PTPRN2: variants seen among roughly 807,000 people sequenced by gnomAD.
PTPRN2 encodes the protein protein tyrosine phosphatase receptor type N2, also known as receptor-type tyrosine-protein phosphatase N2.
A neutral mutation model predicts 118.8 loss-of-function variants in PTPRN2; 74 were observed. The ratio of observed to expected loss-of-function variants is 0.62; its 90% CI spans 0.52 to 0.76. The LOEUF is 0.76. PTPRN2 is among the 30% of genes least tolerant of loss of function. The pLI is 0.00. For missense variants in PTPRN2, 1,481 were observed against 1,394.4 expected (o/e 1.06, Z -0.99); for synonymous variants, 641 against 608.0 (o/e 1.05, Z -0.80).
intron 11 of PTPRN2, among the ~76,000 whole-genome samples, chr7:158,076,903 T>C (rs1264943686): frequency 6.6e-6 from 1 of 152,204 alleles, no homozygotes; most frequent in East Asian, 1.9e-4. Flanking sequence ...GAAGGTGTGA[T>C]GCATTGCCGA....
intron 11 of PTPRN2, among the ~76,000 whole-genome samples, chr7:157,994,446 T>A (rs13234965): frequency 1.3e-5 from 2 of 148,632 alleles, no homozygotes; most frequent in Non-Finnish European, 3.0e-5. Context: ...GTCATTGGGA[T>A]GAATCTGAGG....
intron 12 of PTPRN2, among the ~76,000 whole-genome samples, chr7:157,743,929 C>T (rs1427350276): frequency 6.6e-6 from 1 of 152,196 alleles, no homozygotes; most frequent in Admixed American, 6.5e-5. Context: ...AGTCGCAGCT[C>T]CCTGTGTCCT....
At chr7:158,067,065 A>C (rs998795789) in intron 11 of PTPRN2, among the ~76,000 whole-genome samples, 2 of 152,138 alleles carry the variant, frequency 1.3e-5, no homozygotes, top group Non-Finnish European at 2.9e-5. Context: ...CTCTTCTTAC[A>C]CCTGGCACCT....
intron 11 of PTPRN2, among the ~76,000 whole-genome samples, chr7:157,957,445 CA>C (rs1801255963): frequency 6.6e-6 from 1 of 151,978 alleles, no homozygotes; most frequent in African/African-American, 2.4e-5. Context: ...GCATTATGGC[CA>C]AATAATCCCT....
chr7:158,050,496 C>T (rs1490196575), intron 11 of PTPRN2, among the ~76,000 whole-genome samples: 1 of 152,230 alleles, frequency 6.6e-6, no homozygotes, highest in Non-Finnish European at 1.5e-5. Flanking sequence ...TCTTAGAAGT[C>T]TTTCGGGCAT....
chr7:158,053,976 TAGAGACGCAGAGACCCC>T (rs1239776003), intron 11 of PTPRN2, among the ~76,000 whole-genome samples: 2 of 71,726 alleles, frequency 2.8e-5, no homozygotes, highest in Non-Finnish European at 6.3e-5. Flanking sequence ...GCAGAGACCC[TAGAGACGCAGAGACCCC>T]AGAGATGCAG....
rs896422718 is a variant in PTPRN2 at position 158,133,967 on chromosome 7, G to C, written c.1266C>G (p.Asp422Glu). The C allele has an allele frequency of 3.7e-6, 6 of 1,614,026 alleles. No homozygotes were observed. Among genetic ancestry groups the C allele is most frequent in the Non-Finnish European group, 5.1e-6 (6 of 1,180,040 alleles). The stretch of plus-strand genomic sequence containing the variant: ...GGTGCTCGGACTTCTTCCTCTCCAT[G>C]TCGAGGGGCCTTGCAAAGGGGAGGG... ...PGALPFARPL[D>E]MERKKSEHPE... is the part of the protein sequence containing the mutation. The change falls in exon 9 of 23, where the codon GAC becomes GAG. Residue 422 changes from aspartate (D) to glutamate (E), a missense_variant. Transcript: ENST00000389418.
chr7:158,396,523 T>G (rs1812521296), intron 2 of PTPRN2, among the ~76,000 whole-genome samples: 1 of 152,068 alleles, frequency 6.6e-6, no homozygotes, highest in South Asian at 2.1e-4. Context: ...GCTCCCCTCC[T>G]CGCCGAGTGA....
intron 11 of PTPRN2, among the ~76,000 whole-genome samples, chr7:158,043,566 A>C (rs1808627136): frequency 6.6e-6 from 1 of 152,232 alleles, no homozygotes; most frequent in Non-Finnish European, 1.5e-5. Context: ...CCTGCAGGAG[A>C]GAATGGCATT....
chr7:157,975,983 G>A (rs1439834021), intron 11 of PTPRN2, among the ~76,000 whole-genome samples: 1 of 152,204 alleles, frequency 6.6e-6, no homozygotes, highest in East Asian at 1.9e-4. Context: ...GATGTGGAGA[G>A]AGGGAACTTC....
chr7:157,815,773 C>T (rs762381235), intron 12 of PTPRN2, among the ~76,000 whole-genome samples: 8 of 152,192 alleles, frequency 5.3e-5, no homozygotes, highest in Non-Finnish European at 7.3e-5. Flanking sequence ...AGCTGGGGCG[C>T]GCGCACATGT....
At chr7:158,274,541 C>G (rs1798832976) in intron 3 of PTPRN2, among the ~76,000 whole-genome samples, 1 of 152,100 alleles carries the variant, frequency 6.6e-6, no homozygotes, top group South Asian at 2.1e-4. Context: ...ACAGGGGGAG[C>G]CACAGACACC....
intron 12 of PTPRN2, among the ~76,000 whole-genome samples, chr7:157,749,854 AGGTG>A (rs1801346318): frequency 5.4e-5 from 5 of 93,018 alleles, no homozygotes; most frequent in Non-Finnish European, 8.7e-5. Flanking sequence ...TGGGCTGTTG[AGGTG>A]ATTCTGAGGC....
At chr7:158,267,975 C>T (rs1009346310) in intron 3 of PTPRN2, among the ~76,000 whole-genome samples, 5 of 152,184 alleles carry the variant, frequency 3.3e-5, no homozygotes, top group African/African-American at 1.2e-4. Context: ...GCCATTTAAA[C>T]GCACACTGGG....
intron 3 of PTPRN2, among the ~76,000 whole-genome samples, chr7:158,210,474 T>A (rs192664033): frequency 1.1e-4 from 17 of 151,456 alleles, no homozygotes; most frequent in Admixed American, 3.9e-4. Flanking sequence ...ATAATAAAGA[T>A]CAGAGCAGAA....
In PTPRN2 at chr7:158,135,949, C is replaced by T. The variant is rs539078796; in HGVS notation, c.1173+706G>A. Among the ~76,000 whole-genome samples, 58 of 152,316 alleles carry T rather than the reference C, an allele frequency of 3.8e-4. 1 individual carries two copies. The South Asian group carries it at 0.01, about 27-fold the overall frequency. On this transcript the variant is annotated intron_variant, in intron 8 of 22. Coordinates refer to ENST00000389418, the MANE Select transcript of PTPRN2 (RefSeq NM_002847.5). The stretch of plus-strand genomic sequence containing the variant: ...TCTTCATCCTTCGGCCTTGTATTCA[C>T]GACCAAAGGTTCTTAAAGGGAGAGA...
At chr7:158,169,484 T>C (rs1277604616) in intron 5 of PTPRN2, among the ~76,000 whole-genome samples, 1 of 151,624 alleles carries the variant, frequency 6.6e-6, no homozygotes, top group Non-Finnish European at 1.5e-5. Context: ...TTTTACTATG[T>C]TGGCCAGGCT....
At chr7:157,985,656 G>A (rs1266658812) in intron 11 of PTPRN2, among the ~76,000 whole-genome samples, 1 of 152,228 alleles carries the variant, frequency 6.6e-6, no homozygotes, top group African/African-American at 2.4e-5. Flanking sequence ...CTGTGGTCCT[G>A]AAGCCTCTGT....
At chr7:157,765,292 C>G (rs1802387176) in intron 12 of PTPRN2, among the ~76,000 whole-genome samples, 1 of 150,404 alleles carries the variant, frequency 6.6e-6, no homozygotes, top group South Asian at 2.1e-4. Flanking sequence ...TCCACCCATC[C>G]AACCATCCAT....
Sources: allele counts gnomAD v4.1 joint callset (sites outside exome capture counted in the v4.1 genomes callset), GRCh38; gene constraint gnomAD v4.1.1; transcripts MANE v1.5; gene names NCBI Gene and HGNC (gene_info 2026-07-23, HGNC 2026-07-21).